RFXAP: variants seen among roughly 807,000 people sequenced by gnomAD.
RFXAP encodes the protein regulatory factor X-associated protein.
A neutral mutation model predicts 25.7 loss-of-function variants in RFXAP; 21 were observed. The ratio of observed to expected loss-of-function variants is 0.82; its 90% CI spans 0.58 to 1.18. The LOEUF (loss-of-function observed/expected upper bound fraction) is 1.18. Ranked by LOEUF, RFXAP falls within the 50% of genes most tolerant of loss-of-function variation. RFXAP has a pLI of 0.00. For synonymous variants in RFXAP, 161 were observed against 152.2 expected, an observed-to-expected ratio of 1.06 and a Z score of -0.43; for missense variants, 333 against 363.0, an observed-to-expected ratio of 0.92 and a Z score of 0.67.
chr13:36,825,382 ATT>A, intron 1 of RFXAP, 44 bp from the exon 2 acceptor site: 1 of 1,329,298 alleles, frequency 7.5e-7, no homozygotes, highest in Non-Finnish European at 1.1e-6. Context: ...ATCATGACTT[ATT>A]ACGTTAACTG....
intron 1 of RFXAP, among the ~76,000 whole-genome samples, chr13:36,821,870 T>G (rs1593530871): frequency 6.6e-6 from 1 of 152,198 alleles, no homozygotes; most frequent in African/African-American, 2.4e-5. Context: ...GCATACTAAT[T>G]AATGGGCTCA....
rs1260167760 is a variant in RFXAP, at chr13:36,828,479, G to A, written c.*726G>A. 2 of 152,268 alleles carry A rather than the reference G, an allele frequency of 1.3e-5. No homozygotes were observed. Among genetic ancestry groups the A allele is most frequent in the South Asian group, 2.1e-4 (1 of 4,828 alleles). 9.4% of individuals were successfully genotyped at this position (152,268 alleles called of 1,614,324 possible). On this transcript the variant is annotated 3_prime_UTR_variant, in exon 3 of 3. Coordinates refer to ENST00000255476, the MANE Select transcript of RFXAP (RefSeq NM_000538.4). ...CCTGACGGATTAACTAAGCACACTG[G>A]GATGTGTCTCCTACAGTTGGCTTCT...
chr13:36,819,941 G>GA lies in RFXAP; in HGVS notation c.587dup (p.Asn196LysfsTer10). 1 of 1,613,900 alleles carries GA rather than the reference G, an allele frequency of 6.2e-7. No individual in the cohort carries two copies. The highest frequency in any genetic ancestry group is 8.5e-7 in the Non-Finnish European group (1 of 1,179,954). On this transcript the variant is annotated frameshift_variant, in exon 1 of 3. Transcript: ENST00000255476. LOFTEE classifies it high-confidence loss of function. ...GGGACTGCCTCGACTGGCAGCGCGGGAAACGTCAAACTCGAGGTATCAGAC... is the reference window on the plus strand; with the variant it reads ...GGGACTGCCTCGACTGGCAGCGCGGGAAAACGTCAAACTCGAGGTATCAGAC...
At chr13:36,822,852 T>C (rs116279043) in intron 1 of RFXAP, among the ~76,000 whole-genome samples, 1 of 152,198 alleles carries the variant, frequency 6.6e-6, no homozygotes. Flanking sequence ...TTTGTTAAAC[T>C]GAGTGTAAAG....
At chr13:36,826,898 G>A (rs915198108) in intron 2 of RFXAP, among the ~76,000 whole-genome samples, 1 of 152,070 alleles carries the variant, frequency 6.6e-6, no homozygotes, top group Non-Finnish European at 1.5e-5. Context: ...GACTGTGGCA[G>A]GATGATTGCT....
At chr13:36,823,111 A>G (rs1376371168) in intron 1 of RFXAP, among the ~76,000 whole-genome samples, 2 of 152,208 alleles carry the variant, frequency 1.3e-5, no homozygotes, top group African/African-American at 4.8e-5. Flanking sequence ...TAGATACTAT[A>G]TTTTACATAC....
chr13:36,827,780 GT>G lies in RFXAP; in HGVS notation c.*33del, dbSNP rs398022347. On this transcript the variant is annotated 3_prime_UTR_variant, in exon 3 of 3. Coordinates refer to ENST00000255476, the MANE Select transcript of RFXAP (RefSeq NM_000538.4). Reference sequence around the variant, plus strand: ...GGAACTTACCAAGAACATCTACATGGTTTTTTATCTTATTGTAATAGATGAG... The same window carrying G: ...GGAACTTACCAAGAACATCTACATGGTTTTTATCTTATTGTAATAGATGAG... 1,375,898 of 1,521,788 alleles carry G rather than the reference GT, an allele frequency of 0.9. 625,167 individuals are homozygous for G. The highest frequency in any genetic ancestry group is 0.93 in the Non-Finnish European group (1,018,854 of 1,096,748). The allele number at this position is 1,521,788 out of a possible 1,614,324, so 94.3% of individuals were successfully genotyped here. A position where few individuals can be genotyped will look rare whatever the true frequency, so the allele number is the denominator to read the frequency against.
chr13:36,822,476 T>C (rs58265561), intron 1 of RFXAP, among the ~76,000 whole-genome samples: 3,905 of 152,046 alleles, frequency 0.026, 148 homozygotes, highest in African/African-American at 0.082. Flanking sequence ...GTGAGGAAAA[T>C]GTATAAAAGG....
Position 36,825,510 on chromosome 13 carries a change from A to C in RFXAP, c.683A>C (p.Glu228Ala). 1 of 1,611,602 alleles carries C rather than the reference A, an allele frequency of 6.2e-7. No homozygotes were observed. Residue 228 changes from glutamate to alanine, a missense_variant, in exon 2 of 3, where the codon GAA (glutamate) becomes GCA (alanine). Physicochemically the swap from Glu to Ala is moderately radical, Grantham distance 107. Transcript: ENST00000255476. ...CGTCCTGCAAGACCTACTCTTTTAG[A>C]ACAAGTGTTAAATCAAAAAAGACTG... ...GDRPARPTLL[E>A]QVLNQKRLSL...
chr13:36,827,658 C>T lies in RFXAP; in HGVS notation c.724C>T (p.Pro242Ser). ...TCTTTCTAAGTCGTTACTAAGAAGT[C>T]CAGAAGTAGTGCAATTTTTACAGAA... ...NQKRLSLLRS[P>S]EVVQFLQKQQ... Residue 242 changes from proline (P) to serine (S), a missense_variant, in exon 3 of 3, where the codon CCA (proline) becomes TCA (serine). Pro to Ser is a moderately conservative substitution (Grantham distance 74). Transcript: ENST00000255476. 2 of 1,613,372 alleles carry T rather than the reference C, an allele frequency of 1.2e-6. No individual in the cohort carries two copies. Among genetic ancestry groups the T allele is most frequent in the Non-Finnish European group, 1.7e-6 (2 of 1,179,620 alleles).
chr13:36,825,240 G>T (rs2057974267), intron 1 of RFXAP, among the ~76,000 whole-genome samples, 188 bp from the exon 2 acceptor site: 1 of 152,136 alleles, frequency 6.6e-6, no homozygotes, highest in Admixed American at 6.5e-5. Flanking sequence ...GAGCGAGGAG[G>T]AATGTTACAT....
At chr13:36,825,352 A>T in intron 1 of RFXAP, 76 bp from the exon 2 acceptor site, 2 of 1,106,052 alleles carry the variant, frequency 1.8e-6, no homozygotes, top group Non-Finnish European at 2.7e-6. Context: ...CCTGTTCATT[A>T]CATCTTTGAA....
intron 1 of RFXAP, among the ~76,000 whole-genome samples, chr13:36,823,285 T>C (rs2057968777): frequency 6.6e-6 from 1 of 152,208 alleles, no homozygotes; most frequent in African/African-American, 2.4e-5. Flanking sequence ...AGAAGCACAT[T>C]TTAGTAAAGA....
chr13:36,824,479 A>G (rs1436799289), intron 1 of RFXAP, among the ~76,000 whole-genome samples: 2 of 152,194 alleles, frequency 1.3e-5, no homozygotes, highest in Non-Finnish European at 2.9e-5. Flanking sequence ...AAAGAAGCCC[A>G]AGAGAAAAAA....
chr13:36,819,304 G>A lies in RFXAP; in HGVS notation c.-54G>A. ...TCTTTGGTTCGCGAAGTGCCGTTAG[G>A]CCAAGCAGGTGCTAAAAGCCCGGGG... On this transcript the variant is annotated 5_prime_UTR_variant, in exon 1 of 3. Transcript: ENST00000255476. The A allele has an allele frequency of 8.0e-7, 1 of 1,243,850 alleles. No homozygotes were observed. The highest frequency in any genetic ancestry group is 1.0e-6 in the Non-Finnish European group (1 of 991,674). The allele number at this position is 1,243,850 out of a possible 1,614,324, so 77.1% of individuals were successfully genotyped here.
At chr13:36,821,015 A>G (rs1283195687) in intron 1 of RFXAP, among the ~76,000 whole-genome samples, 1 of 152,122 alleles carries the variant, frequency 6.6e-6, no homozygotes, top group Non-Finnish European at 1.5e-5. Context: ...TGAGAGCTAT[A>G]TAATCCCTTA....
chr13:36,822,389 T>G (rs560372469), intron 1 of RFXAP, among the ~76,000 whole-genome samples: 4 of 152,258 alleles, frequency 2.6e-5, no homozygotes, highest in African/African-American at 9.6e-5. Context: ...CTAATAATAC[T>G]TATTTTCAAG....
intron 2 of RFXAP, 147 bp downstream of exon 2, chr13:36,825,682 A>G (rs950326846): frequency 1.6e-5 from 9 of 547,120 alleles, no homozygotes; most frequent in Non-Finnish European, 2.5e-5. Flanking sequence ...TAAAAAAAGA[A>G]TCGGAACTTT....
rs541693973 is a variant in RFXAP at position 36,828,666 on chromosome 13, G to A, written c.*913G>A. 5.9e-5 allele frequency: 9 copies of A among 152,190 alleles called. No individual in the cohort carries two copies. The highest frequency in any genetic ancestry group is 2.2e-4 in the African/African-American group (9 of 41,534). The allele number at this position is 152,190 out of a possible 1,614,324, so 9.4% of individuals were successfully genotyped here. ...AATGAAAAAGATCCTTTTCAAAAAG[G>A]TGATCCTGAAAATAAAACTAACACT... On this transcript the variant is annotated 3_prime_UTR_variant, in exon 3 of 3. Transcript: ENST00000255476.
Sources: allele counts gnomAD v4.1 joint callset (sites outside exome capture counted in the v4.1 genomes callset), GRCh38; gene constraint gnomAD v4.1.1; transcripts MANE v1.5; gene names NCBI Gene and HGNC (gene_info 2026-07-23, HGNC 2026-07-21).